ABR: variants seen among roughly 807,000 people sequenced by gnomAD.
ABR encodes active breakpoint cluster region-related protein.
ABR carries 35 observed loss-of-function variants against 107.2 expected under a neutral mutation model. That is an observed-to-expected ratio of 0.33 (90% confidence interval 0.25 to 0.43). ABR has a LOEUF of 0.43. Among genes scored for constraint, ABR ranks in the 20% least tolerant of loss-of-function variants. ABR has a pLI of 1.00. For missense variants in ABR, 815 were observed against 1,115.2 expected (o/e 0.73, Z 3.83); for synonymous variants, 498 against 462.0 (o/e 1.08, Z -1.00).
At chr17:1,135,448 G>A (rs7405543) in intron 1 of ABR, among the ~76,000 whole-genome samples, 80,008 of 146,960 alleles carry the variant, frequency 0.54, 22,011 homozygotes, top group East Asian at 0.67. Flanking sequence ...CCAGCCTGTC[G>A]CAAGGGTGAT....
chr17:1,080,892 G>C (rs1597721900), intron 5 of ABR, among the ~76,000 whole-genome samples: 1 of 152,142 alleles, frequency 6.6e-6, no homozygotes, highest in South Asian at 2.1e-4. Context: ...TCCTGCTGCA[G>C]AGAGGAGCCT....
intron 1 of ABR, among the ~76,000 whole-genome samples, chr17:1,195,889 A>G (rs559813610): frequency 1.4e-5 from 2 of 148,122 alleles, no homozygotes; most frequent in South Asian, 2.1e-4. Flanking sequence ...GTGGGGAGAG[A>G]TCACTTGAGG....
chr17:1,189,474 G>C (rs934023950), upstream of ABR, among the ~76,000 whole-genome samples: 3 of 151,272 alleles, frequency 2.0e-5, no homozygotes, highest in African/African-American at 7.3e-5. Flanking sequence ...TCAGTCTCCC[G>C]AGTCACTGCT....
chr17:1,012,946 CGGGCAGGGTGT>C, intron 17 of ABR, 148 bp downstream of exon 17: 2 of 1,054,460 alleles, frequency 1.9e-6, no homozygotes, highest in Non-Finnish European at 2.9e-6. Flanking sequence ...AGGACAGCAG[CGGGCAGGGTGT>C]GGGCAGGAGG....
At chr17:1,059,234 A>G (rs1327325932) in intron 10 of ABR, among the ~76,000 whole-genome samples, 1 of 152,166 alleles carries the variant, frequency 6.6e-6, no homozygotes, top group East Asian at 1.9e-4. Context: ...CCTCTAGCCC[A>G]GGGCTGCCGA....
chr17:1,134,797 G>A (rs1008156880), intron 1 of ABR, among the ~76,000 whole-genome samples: 2 of 152,198 alleles, frequency 1.3e-5, no homozygotes, highest in African/African-American at 4.8e-5. Context: ...GTCCGGCAGC[G>A]GAGGTTCCAG....
At chr17:1,182,696 C>T (rs2042174433), upstream of ABR, among the ~76,000 whole-genome samples, 1 of 152,188 alleles carries the variant, frequency 6.6e-6, no homozygotes, top group Non-Finnish European at 1.5e-5. Context: ...ACGCATACTG[C>T]CTCCACGGCC....
intron 1 of ABR, among the ~76,000 whole-genome samples, chr17:1,162,360 G>A (rs2041334724): frequency 6.6e-6 from 1 of 152,300 alleles, no homozygotes; most frequent in East Asian, 1.9e-4. Context: ...GACACAGCCT[G>A]GTTTCCTGGC....
chr17:1,017,461 C>T (rs904346873), intron 16 of ABR, among the ~76,000 whole-genome samples: 17 of 138,666 alleles, frequency 1.2e-4, no homozygotes, highest in Non-Finnish European at 2.6e-4. Flanking sequence ...GCGGCCATGC[C>T]CTCTTTTTTT....
At chr17:1,036,617 G>A (rs937694024) in intron 16 of ABR, among the ~76,000 whole-genome samples, 2 of 152,042 alleles carry the variant, frequency 1.3e-5, no homozygotes, top group African/African-American at 2.4e-5. Flanking sequence ...CAAGCAGGCC[G>A]AGCATGGGAG....
chr17:1,078,309 A>G lies in ABR; in HGVS notation c.700+1021T>C, dbSNP rs1419755606. Among the ~76,000 whole-genome samples the G allele has an allele frequency of 6.6e-6, 1 of 152,084 alleles. No individual in the cohort carries two copies. The highest frequency in any genetic ancestry group is 2.4e-5 in the African/African-American group (1 of 41,414). On this transcript the variant is annotated intron_variant, in intron 6 of 22. Transcript: ENST00000302538. The surrounding 1 kb of genome is among the most constrained non-coding windows in gnomAD (Gnocchi z 7.5). ...CTGCTGCATGTGCGCGGAGCACACA[A>G]TACCGTGCCGCCCAGCCTCCGCGCC...
intron 1 of ABR, among the ~76,000 whole-genome samples, chr17:1,203,679 G>A (rs548705341): frequency 1.3e-5 from 2 of 152,182 alleles, no homozygotes; most frequent in East Asian, 1.9e-4. Context: ...CGGCGGGAGC[G>A]GTGATGCAGA....
At chr17:1,077,590 G>A (rs1308859260) in intron 6 of ABR, among the ~76,000 whole-genome samples, 1 of 152,156 alleles carries the variant, frequency 6.6e-6, no homozygotes, top group Non-Finnish European at 1.5e-5. Context: ...AGGGTCCTGA[G>A]AAGGTCAGGG....
intron 16 of ABR, among the ~76,000 whole-genome samples, chr17:1,023,277 G>A (rs984822379): frequency 6.6e-6 from 1 of 152,234 alleles, no homozygotes; most frequent in Non-Finnish European, 1.5e-5. Context: ...ACCTTGAGGA[G>A]AAGCAGACAA....
At chr17:1,183,914 T>C (rs1272539079), upstream of ABR, among the ~76,000 whole-genome samples, 2 of 152,140 alleles carry the variant, frequency 1.3e-5, no homozygotes, top group Non-Finnish European at 2.9e-5. Context: ...CATCAGGTCC[T>C]TAAAAGCTGG....
At chr17:1,106,810 G>T (rs890329404) in intron 2 of ABR, among the ~76,000 whole-genome samples, 3 of 152,126 alleles carry the variant, frequency 2.0e-5, no homozygotes, top group Non-Finnish European at 4.4e-5. Context: ...GAATACAGGC[G>T]TGTGCCACCG....
intron 1 of ABR, among the ~76,000 whole-genome samples, chr17:1,209,690 G>A (rs1401349124): frequency 6.6e-6 from 1 of 152,154 alleles, no homozygotes; most frequent in East Asian, 1.9e-4. Context: ...AGTGGGTGGT[G>A]TTTTATTGTC....
intron 1 of ABR, among the ~76,000 whole-genome samples, chr17:1,137,852 T>C (rs2040143019): frequency 7.9e-5 from 12 of 152,122 alleles, no homozygotes; most frequent in Admixed American, 7.9e-4. Context: ...CAGGAGGCTA[T>C]TTACTTTAGG....
chr17:1,120,243 G>C (rs1277000223), intron 2 of ABR, among the ~76,000 whole-genome samples: 1 of 143,992 alleles, frequency 6.9e-6, no homozygotes, highest in Non-Finnish European at 1.5e-5. Flanking sequence ...GGATGATAGG[G>C]ACAATGATGA....
Sources: gnomAD v4.1 joint callset for allele counts (sites outside exome capture counted in the v4.1 genomes callset) on GRCh38, gnomAD v4.1.1 for gene constraint, Gnocchi (gnomAD v3.1) non-coding constraint, MANE v1.5 for transcripts, NCBI Gene and HGNC (gene_info 2026-07-23, HGNC 2026-07-21) for gene names.